Variants in STPG2 observed in about 807,000 individuals in gnomAD.
The protein encoded by STPG2 is sperm-tail PG-rich repeat-containing protein 2.
STPG2 carries 56 observed loss-of-function variants against 54.2 expected under a neutral mutation model. The ratio of observed to expected loss-of-function variants is 1.03; its 90% CI spans 0.83 to 1.29. STPG2 has a LOEUF of 1.29. Ranked by LOEUF, STPG2 falls within the 50% of genes most tolerant of loss-of-function variation. The pLI, the probability that STPG2 is intolerant of heterozygous loss-of-function variation, is 0.00. For missense variants in STPG2, 596 were observed against 544.9 expected, an observed-to-expected ratio of 1.09 and a Z score of -0.93; for synonymous variants, 200 against 181.8, an observed-to-expected ratio of 1.10 and a Z score of -0.81.
intron 4 of STPG2, among the ~76,000 whole-genome samples, chr4:97,537,609 C>T (rs181776420): frequency 1.4e-4 from 21 of 152,324 alleles, no homozygotes; most frequent in African/African-American, 5.0e-4. Flanking sequence ...GTAGACTCCA[C>T]CTCTGGGGGC....
At chr4:97,462,030 C>T (rs1310997821) in intron 4 of STPG2, among the ~76,000 whole-genome samples, 1 of 152,114 alleles carries the variant, frequency 6.6e-6, no homozygotes, top group Non-Finnish European at 1.5e-5. Context: ...AACTTAACCT[C>T]ATGAAGATAG....
intron 4 of STPG2, among the ~76,000 whole-genome samples, chr4:97,532,695 T>C (rs1458249692): frequency 6.6e-6 from 1 of 152,174 alleles, no homozygotes; most frequent in Non-Finnish European, 1.5e-5. Context: ...CACTAAAATG[T>C]GCTTATACTG....
chr4:97,976,102 A>G (rs1000484997), intron 6 of STPG2, among the ~76,000 whole-genome samples: 2 of 151,990 alleles, frequency 1.3e-5, no homozygotes, highest in African/African-American at 4.8e-5. Context: ...CTGTAAACAA[A>G]CTCTTCCCAA....
At chr4:97,700,332 T>A (rs1388854765) in intron 10 of STPG2, among the ~76,000 whole-genome samples, 1 of 152,186 alleles carries the variant, frequency 6.6e-6, no homozygotes, top group Non-Finnish European at 1.5e-5. Flanking sequence ...AGCAGCCTTT[T>A]GGGTCACTCA....
At chr4:98,085,421 C>T (rs1738475182) in intron 5 of STPG2, among the ~76,000 whole-genome samples, 1 of 152,030 alleles carries the variant, frequency 6.6e-6, no homozygotes, top group Admixed American at 6.5e-5. Flanking sequence ...GCAAAAACTT[C>T]TGCTAGGAAT....
At chr4:97,949,176 C>T (rs1733366394) in intron 7 of STPG2, among the ~76,000 whole-genome samples, 1 of 152,048 alleles carries the variant, frequency 6.6e-6, no homozygotes, top group Non-Finnish European at 1.5e-5. Flanking sequence ...TCTTCTTTGT[C>T]ATTTTTTACT....
chr4:97,498,026 C>G (rs1331625367), intron 4 of STPG2, among the ~76,000 whole-genome samples: 2 of 151,804 alleles, frequency 1.3e-5, no homozygotes, highest in African/African-American at 2.4e-5. Context: ...TATAGACAGC[C>G]CTTACTAAGT....
At chr4:97,595,223 G>A (rs1438290215) in intron 10 of STPG2, among the ~76,000 whole-genome samples, 1 of 152,094 alleles carries the variant, frequency 6.6e-6, no homozygotes, top group African/African-American at 2.4e-5. Context: ...ATGATAGACT[G>A]GATTAAGAAA....
At chr4:97,441,325 G>C (rs993134243) in intron 4 of STPG2, 1 of 151,838 alleles carries the variant, frequency 6.6e-6, no homozygotes, top group Admixed American at 6.6e-5. Flanking sequence ...AGAATGCAAT[G>C]AATATATATA....
chr4:97,852,276 C>T lies in STPG2; in HGVS notation c.1045-11344G>A, dbSNP rs140302023. Among the ~76,000 whole-genome samples, 85 of 152,230 alleles carry T rather than the reference C, an allele frequency of 5.6e-4. No homozygotes were observed. In the East Asian group the frequency reaches 0.013, roughly 23 times the overall value. On this transcript the variant is annotated intron_variant, in intron 8 of 10. Coordinates refer to ENST00000295268, the MANE Select transcript of STPG2 (RefSeq NM_174952.3). The stretch of plus-strand genomic sequence containing the variant: ...CTTTTTAAAATCAAATGAATCTTAA[C>T]GTCATCTACTTTGGTTCAGTATGGC...
At chr4:97,473,557 C>T (rs573767443) in intron 4 of STPG2, among the ~76,000 whole-genome samples, 13 of 152,208 alleles carry the variant, frequency 8.5e-5, no homozygotes, top group Admixed American at 5.9e-4. Flanking sequence ...AATGCGTGCC[C>T]GAAACTTCAT....
intron 9 of STPG2, among the ~76,000 whole-genome samples, chr4:97,802,652 G>C (rs906995816): frequency 5.3e-5 from 8 of 151,962 alleles, no homozygotes; most frequent in African/African-American, 1.9e-4. Context: ...TGTATTTTTA[G>C]TAGAGATGGG....
At chr4:97,928,689 A>C (rs1732426376) in intron 8 of STPG2, among the ~76,000 whole-genome samples, 1 of 152,018 alleles carries the variant, frequency 6.6e-6, no homozygotes, top group African/African-American at 2.4e-5. Flanking sequence ...TTACAAGTTT[A>C]ATATAAGGCC....
At chr4:98,085,348 C>T (rs1360592303) in intron 5 of STPG2, among the ~76,000 whole-genome samples, 2 of 152,010 alleles carry the variant, frequency 1.3e-5, no homozygotes, top group Admixed American at 1.3e-4. Context: ...GATTATAAAT[C>T]TTGAAATCAA....
At chr4:98,131,206 T>C (rs1739985660) in intron 2 of STPG2, among the ~76,000 whole-genome samples, 1 of 152,130 alleles carries the variant, frequency 6.6e-6, no homozygotes, top group Non-Finnish European at 1.5e-5. Context: ...GTCCAATTTG[T>C]TTCCCCCATT....
intron 4 of STPG2, among the ~76,000 whole-genome samples, chr4:97,465,565 T>C (rs1729768021): frequency 6.6e-6 from 1 of 152,144 alleles, no homozygotes; most frequent in Admixed American, 6.5e-5. Flanking sequence ...TCTTATACAG[T>C]ATTCTCTTGT....
rs1734245733 is a variant in STPG2, at chr4:97,969,527, GTTTCT to G, written c.933+2748_933+2752del. Among the ~76,000 whole-genome samples, 5 of 152,130 alleles carry G rather than the reference GTTTCT, an allele frequency of 3.3e-5. No homozygotes were observed. In the South Asian group the frequency reaches 8.3e-4, roughly 25 times the overall value. ...GGACCCAGCTTTCACTATTTTCTGTGTTTCTTTTATTTCTTGACCTGCCGATCCAC... is the reference window on the plus strand; with the variant it reads ...GGACCCAGCTTTCACTATTTTCTGTGTTTATTTCTTGACCTGCCGATCCAC... On this transcript the variant is annotated intron_variant, in intron 7 of 10. Transcript: ENST00000295268.
intron 3 of STPG2, among the ~76,000 whole-genome samples, chr4:98,121,358 G>C (rs1051761304): frequency 7.3e-6 from 1 of 137,584 alleles, no homozygotes; most frequent in Non-Finnish European, 1.6e-5. Context: ...GCTTAGGATT[G>C]TCTTGGCTAT....
intron 1 of STPG2, among the ~76,000 whole-genome samples, chr4:98,139,689 T>A (rs1490975321): frequency 2.0e-5 from 3 of 152,176 alleles, no homozygotes; most frequent in Admixed American, 1.3e-4. Flanking sequence ...ACAAAATGTA[T>A]AGGATGCAGC....
Sources: gnomAD v4.1 joint callset for allele counts (sites outside exome capture counted in the v4.1 genomes callset) on GRCh38, gnomAD v4.1.1 for gene constraint, MANE v1.5 for transcripts, NCBI Gene and HGNC (gene_info 2026-07-23, HGNC 2026-07-21) for gene names.